Variants in ALK observed in about 807,000 individuals in gnomAD.
ALK encodes ALK tyrosine kinase receptor.
ALK carries 74 observed loss-of-function variants against 163.1 expected under a neutral mutation model. The observed-to-expected ratio is 0.45, with a 90% CI of 0.38 to 0.55. The LOEUF (loss-of-function observed/expected upper bound fraction) is 0.55. Among genes scored for constraint, ALK ranks in the 20% least tolerant of loss-of-function variants. ALK has a pLI of 0.00. For synonymous variants in ALK, 960 were observed against 843.2 expected (o/e 1.14, Z -2.40); for missense variants, 2,063 against 2,105.3 (o/e 0.98, Z 0.39).
chr2:29,788,855 T>A (rs548940933), intron 1 of ALK, among the ~76,000 whole-genome samples: 1 of 152,224 alleles, frequency 6.6e-6, no homozygotes, highest in Non-Finnish European at 1.5e-5. Context: ...CAGAGCTTTA[T>A]GGTTTTTGTT....
chr2:29,520,092 G>A (rs1672772407), intron 4 of ALK, among the ~76,000 whole-genome samples: 1 of 152,196 alleles, frequency 6.6e-6, no homozygotes, highest in Admixed American at 6.5e-5. Flanking sequence ...CAGGAAATTA[G>A]AGGAACTAAA....
chr2:29,317,052 T>G (rs1483767401), intron 8 of ALK, among the ~76,000 whole-genome samples: 1 of 152,252 alleles, frequency 6.6e-6, no homozygotes. Flanking sequence ...TTTCTGTCTG[T>G]GAGTTTTTAT....
chr2:29,723,918 CTAGT>C (rs563489031), intron 1 of ALK, among the ~76,000 whole-genome samples: 185 of 152,336 alleles, frequency 1.2e-3, no homozygotes, highest in Admixed American at 2.4e-3. Context: ...CTATTATTCA[CTAGT>C]TAATCATTAA....
chr2:29,356,057 G>C (rs1204906627), intron 5 of ALK, among the ~76,000 whole-genome samples: 3 of 152,142 alleles, frequency 2.0e-5, no homozygotes, highest in African/African-American at 7.2e-5. Flanking sequence ...AGAGGCACTT[G>C]TTAGACACCT....
At chr2:29,668,413 A>C (rs562771188) in intron 3 of ALK, among the ~76,000 whole-genome samples, 1 of 151,776 alleles carries the variant, frequency 6.6e-6, no homozygotes, top group East Asian at 1.9e-4. Flanking sequence ...CCCTGTTAGC[A>C]CTGTTTTGTC....
At chr2:29,318,505 G>A (rs1020380172) in intron 7 of ALK, 101 bp from the exon 8 acceptor site, 19 of 830,692 alleles carry the variant, frequency 2.3e-5, no homozygotes, top group Middle Eastern at 2.2e-4. Context: ...CTAGCCTAGG[G>A]ATATCTTTGA....
chr2:29,882,678 C>G (rs550594999), intron 1 of ALK, among the ~76,000 whole-genome samples: 28 of 152,254 alleles, frequency 1.8e-4, no homozygotes, highest in African/African-American at 6.3e-4. Flanking sequence ...TGGCGACAGA[C>G]AGGCAACAAC....
chr2:29,384,406 G>C (rs896291255), intron 4 of ALK, among the ~76,000 whole-genome samples: 12 of 152,194 alleles, frequency 7.9e-5, no homozygotes, highest in African/African-American at 2.6e-4. Context: ...ATGTATTTTG[G>C]GGTAAAAGGT....
chr2:29,879,196 G>A (rs371461775), intron 1 of ALK, among the ~76,000 whole-genome samples: 50 of 152,296 alleles, frequency 3.3e-4, no homozygotes, highest in African/African-American at 1.1e-3. Flanking sequence ...CTGACCCAGA[G>A]AATGAGAATC....
chr2:29,298,851 C>G (rs962107764), intron 8 of ALK, among the ~76,000 whole-genome samples: 2 of 152,156 alleles, frequency 1.3e-5, no homozygotes, highest in South Asian at 4.1e-4. Context: ...ATTTTCTCTC[C>G]CCCAGTCCTT....
chr2:29,284,634 G>A (rs978469089), intron 9 of ALK, among the ~76,000 whole-genome samples: 1 of 152,178 alleles, frequency 6.6e-6, no homozygotes, highest in Non-Finnish European at 1.5e-5. Context: ...TTGCACTCTT[G>A]ATTGTGGAAA....
At chr2:29,648,737 C>G (rs1213988417) in intron 3 of ALK, among the ~76,000 whole-genome samples, 3 of 152,166 alleles carry the variant, frequency 2.0e-5, no homozygotes, top group South Asian at 2.1e-4. Flanking sequence ...CTCTTTTCCT[C>G]TCTTCTGAAA....
intron 1 of ALK, among the ~76,000 whole-genome samples, chr2:29,738,099 T>C (rs1679945297): frequency 6.6e-6 from 1 of 151,998 alleles, no homozygotes. Context: ...TAGCTTTTCA[T>C]GTGCCTCAGG....
intron 3 of ALK, among the ~76,000 whole-genome samples, chr2:29,642,233 A>T (rs926937654): frequency 1.3e-5 from 2 of 152,118 alleles, no homozygotes; most frequent in African/African-American, 2.4e-5. Flanking sequence ...CTAGTCTAGG[A>T]CTCTACCTTT....
At chr2:29,334,045 C>A (rs1337894456) in intron 5 of ALK, among the ~76,000 whole-genome samples, 1 of 152,138 alleles carries the variant, frequency 6.6e-6, no homozygotes, top group Non-Finnish European at 1.5e-5. Context: ...CTTTGGCTTC[C>A]CCTCTCCTCT....
chr2:29,736,966 T>C (rs1315114340), intron 1 of ALK, among the ~76,000 whole-genome samples: 1 of 152,126 alleles, frequency 6.6e-6, no homozygotes. Flanking sequence ...GTGATGTTCC[T>C]TGTTCCAGTA....
At chr2:29,406,279 G>C (rs796720031) in intron 4 of ALK, among the ~76,000 whole-genome samples, 3 of 152,220 alleles carry the variant, frequency 2.0e-5, no homozygotes, top group African/African-American at 7.2e-5. Context: ...AGCCTCCCTG[G>C]ATCATCTCTA....
At chr2:29,463,811 C>T (rs960108592) in intron 4 of ALK, among the ~76,000 whole-genome samples, 1 of 152,144 alleles carries the variant, frequency 6.6e-6, no homozygotes. Context: ...GGGAAAACTA[C>T]CACCGGGCAA....
chr2:29,271,774 T>C (rs972015198), intron 11 of ALK, among the ~76,000 whole-genome samples: 1 of 152,210 alleles, frequency 6.6e-6, no homozygotes, highest in African/African-American at 2.4e-5. Flanking sequence ...TTAATTGCTT[T>C]TATCCCCCCT....
Sources: gnomAD v4.1 joint callset for allele counts (sites outside exome capture counted in the v4.1 genomes callset) on GRCh38, gnomAD v4.1.1 for gene constraint, MANE v1.5 for transcripts, NCBI Gene and HGNC (gene_info 2026-07-23, HGNC 2026-07-21) for gene names.